The following LGSN variants were observed in gnomAD, a reference collection of about 807,000 sequenced individuals.
The protein encoded by LGSN is lengsin, lens protein with glutamine synthetase domain.
Under a neutral mutation model 19.5 loss-of-function variants are expected in LGSN, and 21 were observed. That is an observed-to-expected ratio of 1.07 (90% CI 0.76 to 1.55). The LOEUF (loss-of-function observed/expected upper bound fraction) is 1.55. Among genes scored for constraint, LGSN ranks in the 40% most tolerant of loss-of-function variants. The pLI, the probability that LGSN is intolerant of heterozygous loss-of-function variation, is 0.00. For synonymous variants in LGSN, 257 were observed against 215.6 expected (o/e 1.19, Z -1.68); for missense variants, 673 against 608.5 (o/e 1.11, Z -1.12).
the LGSN span, chr6:63,441,427 C>G: frequency 2.4e-5 from 11 of 460,148 alleles, no homozygotes; most frequent in Non-Finnish European, 4.3e-5. Flanking sequence ...AGAATAACCT[C>G]TGGATCCCGG....
At chr6:63,441,734 C>G in the LGSN span, 1 of 406,526 alleles carries the variant, frequency 2.5e-6, no homozygotes, top group Non-Finnish European at 4.7e-6. Context: ...AAATTAGGCC[C>G]CCAAATCTAA....
chr6:63,458,256 G>A, the LGSN span, among the ~76,000 whole-genome samples: 20 of 152,026 alleles, frequency 1.3e-4, no homozygotes, highest in East Asian at 2.9e-3. Flanking sequence ...TAGTATAGAC[G>A]GGGTCTCTCC....
the LGSN span, among the ~76,000 whole-genome samples, chr6:63,349,283 G>C: frequency 6.6e-6 from 1 of 152,170 alleles, no homozygotes; most frequent in Non-Finnish European, 1.5e-5. Context: ...AATGTAAATT[G>C]TGAGAGTATT....
the LGSN span, among the ~76,000 whole-genome samples, chr6:63,405,952 G>A: frequency 6.6e-6 from 1 of 151,992 alleles, no homozygotes; most frequent in African/African-American, 2.4e-5. Context: ...AATGGTAAAG[G>A]GATCAATTCA....
chr6:63,393,670 T>A, the LGSN span, among the ~76,000 whole-genome samples: 1 of 152,168 alleles, frequency 6.6e-6, no homozygotes, highest in African/African-American at 2.4e-5. Flanking sequence ...GACTATAAAA[T>A]CTGGCCCATC....
chr6:63,543,316 C>T, the LGSN span, among the ~76,000 whole-genome samples: 3 of 152,198 alleles, frequency 2.0e-5, no homozygotes, highest in African/African-American at 7.2e-5. Flanking sequence ...GATCTGAAAA[C>T]TTATTTTTCT....
At chr6:63,544,105 A>G in the LGSN span, among the ~76,000 whole-genome samples, 1 of 152,112 alleles carries the variant, frequency 6.6e-6, no homozygotes, top group Non-Finnish European at 1.5e-5. Flanking sequence ...CCCTAATTCT[A>G]CTTACAATTG....
At chr6:63,476,974 A>C in the LGSN span, among the ~76,000 whole-genome samples, 1 of 152,222 alleles carries the variant, frequency 6.6e-6, no homozygotes, top group African/African-American at 2.4e-5. Flanking sequence ...TTTACTCTGA[A>C]GCTATGGCTT....
chr6:63,507,770 A>G, the LGSN span, among the ~76,000 whole-genome samples: 1 of 152,210 alleles, frequency 6.6e-6, no homozygotes, highest in African/African-American at 2.4e-5. Flanking sequence ...TCTTACAGCC[A>G]AAGAACCCTG....
the LGSN span, among the ~76,000 whole-genome samples, chr6:63,417,303 C>T: frequency 3.3e-5 from 5 of 152,128 alleles, no homozygotes; most frequent in Non-Finnish European, 7.4e-5. Context: ...TCATCACACC[C>T]ATACCCCCAC....
the LGSN span, among the ~76,000 whole-genome samples, chr6:63,542,278 G>C: frequency 4.7e-4 from 72 of 152,170 alleles, no homozygotes; most frequent in African/African-American, 1.6e-3. Flanking sequence ...CAGGGGGAAA[G>C]GGTGGGAAGA....
chr6:63,445,973 G>T, the LGSN span, among the ~76,000 whole-genome samples: 3 of 152,132 alleles, frequency 2.0e-5, no homozygotes, highest in Admixed American at 6.5e-5. Context: ...GATCAGCCGG[G>T]TGTCGTGGCT....
At chr6:63,504,603 C>A in the LGSN span, among the ~76,000 whole-genome samples, 3 of 152,100 alleles carry the variant, frequency 2.0e-5, no homozygotes, top group Admixed American at 6.5e-5. Flanking sequence ...CCACCATGCC[C>A]GTCTAATTTT....
At chr6:63,362,083 C>T in the LGSN span, among the ~76,000 whole-genome samples, 14 of 152,166 alleles carry the variant, frequency 9.2e-5, no homozygotes, top group Non-Finnish European at 1.9e-4. Flanking sequence ...GTAACATGCA[C>T]GGGGCTGTCA....
At chr6:63,560,718 T>C in the LGSN span, among the ~76,000 whole-genome samples, 1 of 152,182 alleles carries the variant, frequency 6.6e-6, no homozygotes, top group Non-Finnish European at 1.5e-5. Flanking sequence ...AGCCTAATTT[T>C]TGAAATTAAG....
the LGSN span, among the ~76,000 whole-genome samples, chr6:63,346,419 C>T: frequency 6.6e-6 from 1 of 151,534 alleles, no homozygotes; most frequent in Non-Finnish European, 1.5e-5. Flanking sequence ...AACTGGACTG[C>T]GGAACACATG....
At chr6:63,372,057 C>T in the LGSN span, among the ~76,000 whole-genome samples, 19,856 of 152,138 alleles carry the variant, frequency 0.13, 2,926 homozygotes, top group African/African-American at 0.37. Flanking sequence ...TTAGAAATTA[C>T]GTGTACTTGT....
the LGSN span, among the ~76,000 whole-genome samples, chr6:63,559,783 G>A: frequency 6.6e-6 from 1 of 151,984 alleles, no homozygotes; most frequent in Non-Finnish European, 1.5e-5. Context: ...AGCCAGGCAT[G>A]GTCGTTCATG....
chr6:63,346,706 T>G, the LGSN span, among the ~76,000 whole-genome samples: 3 of 152,138 alleles, frequency 2.0e-5, no homozygotes, highest in Non-Finnish European at 4.4e-5. Context: ...CCTGTGAGAC[T>G]GAGCCCTTAA....
Sources: allele counts gnomAD v4.1 joint callset (sites outside exome capture counted in the v4.1 genomes callset), GRCh38; gene constraint gnomAD v4.1.1; transcripts MANE v1.5; gene names NCBI Gene and HGNC (gene_info 2026-07-23, HGNC 2026-07-21).